The following RFX2 variants were observed in gnomAD, a reference collection of about 807,000 sequenced individuals.
RFX2 encodes regulatory factor X2.
In RFX2, 20 loss-of-function variants were observed where a neutral mutation model predicts 87.8. That is an observed-to-expected ratio of 0.23 (90% CI 0.16 to 0.33). The LOEUF (loss-of-function observed/expected upper bound fraction) is 0.33. Ranked by LOEUF, RFX2 falls within the 10% of genes least tolerant of loss-of-function variation. RFX2 has a pLI of 1.00. For synonymous variants in RFX2, 397 were observed against 431.3 expected, an observed-to-expected ratio of 0.92 and a Z score of 0.98; for missense variants, 767 against 1,012.3, an observed-to-expected ratio of 0.76 and a Z score of 3.29.
chr19:6,084,981 C>T (rs11666200), intron 1 of RFX2, among the ~76,000 whole-genome samples: 33,214 of 152,134 alleles, frequency 0.22, 4,047 homozygotes, highest in South Asian at 0.31. Flanking sequence ...AGCATGATGT[C>T]CTTAAGCATA....
chr19:6,076,073 C>T (rs1442878198), intron 1 of RFX2, among the ~76,000 whole-genome samples: 2 of 152,216 alleles, frequency 1.3e-5, no homozygotes, highest in Non-Finnish European at 2.9e-5. Context: ...GGCGGTGGCT[C>T]ATGCCTGTAA....
intron 5 of RFX2, among the ~76,000 whole-genome samples, chr19:6,031,618 T>C (rs1316282786): frequency 2.0e-5 from 3 of 151,632 alleles, no homozygotes; most frequent in South Asian, 2.1e-4. Context: ...TTAGTCGAGG[T>C]GGGGTTTCAC....
chr19:6,002,850 G>T lies in RFX2; in HGVS notation c.1521C>A (p.Phe507Leu). 6.2e-7 allele frequency: 1 copy of T among 1,610,294 alleles called. No individual in the cohort carries two copies. Among genetic ancestry groups the T allele is most frequent in the Non-Finnish European group, 8.5e-7 (1 of 1,179,174 alleles). The change falls in exon 14 of 18, where the codon TTC becomes TTA. Residue 507 changes from phenylalanine (F) to leucine (L), a missense_variant. Phe to Leu is a conservative substitution (Grantham distance 22). Coordinates refer to ENST00000303657, the MANE Select transcript of RFX2 (RefSeq NM_000635.4). This position sits in a 1 kb window ranked among gnomAD's most constrained non-coding sequence, Gnocchi z 6.7. ...ACGTGTAGCGCCGCAGCGTCTGGGC[G>T]AAGGCACTGACGACGCCCACCTGTA... ...IQTKVGVVSA[F>L]AQTLRRYTSL...
Position 6,066,335 on chromosome 19 carries a change from C to G in RFX2, c.-8-18831G>C, listed in dbSNP as rs532266460. Among the ~76,000 whole-genome samples, 113 of 152,282 alleles carry G rather than the reference C, an allele frequency of 7.4e-4. 1 individual carries two copies. The highest frequency in any genetic ancestry group is 1.4e-3 in the Non-Finnish European group (94 of 68,036). ...AATTTCCACCCTCAGCCAACCCTATCTGTGAATGTCTCTACATGTGAGCCA... is the reference window on the plus strand; with the variant it reads ...AATTTCCACCCTCAGCCAACCCTATGTGTGAATGTCTCTACATGTGAGCCA... On this transcript the variant is annotated intron_variant, in intron 1 of 17. Coordinates refer to ENST00000303657, the MANE Select transcript of RFX2 (RefSeq NM_000635.4).
At position 6,110,166 on chromosome 19, in the gene RFX2, C is replaced by A. The variant is rs1158973508; in HGVS notation, c.-9+227G>T. Among the ~76,000 whole-genome samples, 1 of 152,144 alleles carries A rather than the reference C, an allele frequency of 6.6e-6. No individual in the cohort carries two copies. Among genetic ancestry groups the A allele is most frequent in the Non-Finnish European group, 1.5e-5 (1 of 68,014 alleles). On this transcript the variant is annotated intron_variant, in intron 1 of 17. Coordinates refer to ENST00000303657, the MANE Select transcript of RFX2 (RefSeq NM_000635.4). This position sits in a 1 kb window ranked among gnomAD's most constrained non-coding sequence, Gnocchi z 4.3. ...TAAAAAGTGAGGCGACGGCACCGCA[C>A]CTCCCCCGCGTTCAGTCAATAAGGA...
At position 6,002,610 on chromosome 19, in the gene RFX2, G is replaced by T; in HGVS notation, c.1650+111C>A. The T allele has an allele frequency of 7.4e-7, 1 of 1,357,102 alleles. No individual in the cohort carries two copies. Among genetic ancestry groups the T allele is most frequent in the Non-Finnish European group, 1.0e-6 (1 of 974,748 alleles). The allele number at this position is 1,357,102 out of a possible 1,614,324, so 84.1% of individuals were successfully genotyped here. Reference sequence around the variant, plus strand: ...ACCCGTGTCATGCAACAGAACCGTGGCCAGGCTCGGGGCAGGGGCCAGGTT... The same window carrying T: ...ACCCGTGTCATGCAACAGAACCGTGTCCAGGCTCGGGGCAGGGGCCAGGTT... On this transcript the variant is annotated intron_variant, in intron 14 of 17. Transcript: ENST00000303657. The surrounding 1 kb of genome is among the most constrained non-coding windows in gnomAD (Gnocchi z 6.7).
intron 12 of RFX2, among the ~76,000 whole-genome samples, chr19:6,006,289 T>A (rs1434806262): frequency 6.6e-6 from 1 of 151,660 alleles, no homozygotes; most frequent in Non-Finnish European, 1.5e-5. Context: ...GCCTCCTGGG[T>A]CGCTGGACTG....
Position 6,017,461 on chromosome 19 carries a change from C to T in RFX2, c.598-1190G>A, listed in dbSNP as rs2086744213. 2.0e-5 allele frequency among the ~76,000 whole-genome samples: 3 copies of T among 152,220 alleles called. No individual in the cohort carries two copies. Among genetic ancestry groups the T allele is most frequent in the Admixed American group, 6.5e-5 (1 of 15,288 alleles). On this transcript the variant is annotated intron_variant, in intron 6 of 17. Coordinates refer to ENST00000303657, the MANE Select transcript of RFX2 (RefSeq NM_000635.4). This position sits in a 1 kb window ranked among gnomAD's most constrained non-coding sequence, Gnocchi z 4.1. ...TGGTTTCCACCTCTCCCTCTGCTATCGTCTGTCCCCTGATCCAGAGAGGTC... is the reference window on the plus strand; with the variant it reads ...TGGTTTCCACCTCTCCCTCTGCTATTGTCTGTCCCCTGATCCAGAGAGGTC...
At chr19:6,053,720 C>T (rs935766437) in intron 1 of RFX2, among the ~76,000 whole-genome samples, 11 of 151,920 alleles carry the variant, frequency 7.2e-5, no homozygotes, top group African/African-American at 2.7e-4. Flanking sequence ...TTTGGGAGGC[C>T]GAGGGCGGGT....
rs2087466439 is a variant in RFX2 at position 6,063,292 on chromosome 19, T to C, written c.-8-15788A>G. 6.6e-6 allele frequency among the ~76,000 whole-genome samples: 1 copy of C among 152,166 alleles called. No individual in the cohort carries two copies. Among genetic ancestry groups the C allele is most frequent in the African/African-American group, 2.4e-5 (1 of 41,446 alleles). On this transcript the variant is annotated intron_variant, in intron 1 of 17. Coordinates refer to ENST00000303657, the MANE Select transcript of RFX2 (RefSeq NM_000635.4). The surrounding 1 kb of genome is among the most constrained non-coding windows in gnomAD (Gnocchi z 4.0). ...GACCCCCAGGCCTGAGCGCCAGCCCTTCACTGATCAGCTAGCCTCTGCCTG... is the reference window on the plus strand; with the variant it reads ...GACCCCCAGGCCTGAGCGCCAGCCCCTCACTGATCAGCTAGCCTCTGCCTG...
At chr19:6,094,552 C>A (rs1302971441) in intron 1 of RFX2, among the ~76,000 whole-genome samples, 1 of 152,112 alleles carries the variant, frequency 6.6e-6, no homozygotes, top group Non-Finnish European at 1.5e-5. Flanking sequence ...TAGTGGTCAC[C>A]TTTTAAAAGG....
In RFX2 at chr19:6,050,180, G is replaced by T. The variant is rs1177816734; in HGVS notation, c.-8-2676C>A. On this transcript the variant is annotated intron_variant, in intron 1 of 17. Transcript: ENST00000303657. This position sits in a 1 kb window ranked among gnomAD's most constrained non-coding sequence, Gnocchi z 4.6. ...TAAGTGAAGATTTCAGCTGCTGCCT[G>T]TTGCAGGAGGGAGAGTTTGAATCTA... 6.6e-6 allele frequency among the ~76,000 whole-genome samples: 1 copy of T among 152,214 alleles called. No homozygotes were observed. The highest frequency in any genetic ancestry group is 2.4e-5 in the African/African-American group (1 of 41,442).
intron 3 of RFX2, 121 bp from the exon 4 acceptor site, chr19:6,042,244 C>T (rs2087120932): frequency 1.2e-6 from 1 of 864,150 alleles, no homozygotes; most frequent in East Asian, 2.6e-5. Context: ...TGACAATGTT[C>T]CCGCCCACAG....
rs1309470540 is a variant in RFX2, at chr19:6,017,348, C to A, written c.598-1077G>T. Among the ~76,000 whole-genome samples, 2 of 152,244 alleles carry A rather than the reference C, an allele frequency of 1.3e-5. No homozygotes were observed. The highest frequency in any genetic ancestry group is 1.5e-5 in the Non-Finnish European group (1 of 68,050). On this transcript the variant is annotated intron_variant, in intron 6 of 17. Coordinates refer to ENST00000303657, the MANE Select transcript of RFX2 (RefSeq NM_000635.4). This position sits in a 1 kb window ranked among gnomAD's most constrained non-coding sequence, Gnocchi z 4.1. ...GCGAGAACTGTCCACACGAAGAGCT[C>A]AGTCCCCACACTGGGCATGGACGCA...
chr19:5,995,013 G>T (rs2086386339), intron 17 of RFX2, 63 bp from the exon 18 acceptor site: 1 of 1,337,594 alleles, frequency 7.5e-7, no homozygotes, highest in Non-Finnish European at 1.1e-6. Context: ...AGAGAAGGAA[G>T]TGCACGTTCC....
In RFX2 at chr19:6,056,550, G is replaced by A. The variant is rs1457300414; in HGVS notation, c.-8-9046C>T. Among the ~76,000 whole-genome samples the A allele has an allele frequency of 6.6e-6, 1 of 152,172 alleles. No individual in the cohort carries two copies. The highest frequency in any genetic ancestry group is 2.4e-5 in the African/African-American group (1 of 41,442). On this transcript the variant is annotated intron_variant, in intron 1 of 17. Coordinates refer to ENST00000303657, the MANE Select transcript of RFX2 (RefSeq NM_000635.4). The surrounding 1 kb of genome is among the most constrained non-coding windows in gnomAD (Gnocchi z 4.6). ...GGGCAGAGGGCAGGGCCCCGAGGGCGTGGGTGTACTCAAGGTAAAGTCCAC... is the reference window on the plus strand; with the variant it reads ...GGGCAGAGGGCAGGGCCCCGAGGGCATGGGTGTACTCAAGGTAAAGTCCAC...
Position 6,010,485 on chromosome 19 carries a change from G to T in RFX2, c.900-234C>A, listed in dbSNP as rs147622855. 6.6e-6 allele frequency among the ~76,000 whole-genome samples: 1 copy of T among 152,178 alleles called. No homozygotes were observed. The highest frequency in any genetic ancestry group is 1.5e-5 in the Non-Finnish European group (1 of 68,036). Reference sequence around the variant, plus strand: ...CTCACCGTCGTCATCTCCAGAACTTGATCATCTTCCCACACTGAAGCTCTG... The same window carrying T: ...CTCACCGTCGTCATCTCCAGAACTTTATCATCTTCCCACACTGAAGCTCTG... On this transcript the variant is annotated intron_variant, in intron 8 of 17. Coordinates refer to ENST00000303657, the MANE Select transcript of RFX2 (RefSeq NM_000635.4). This position sits in a 1 kb window ranked among gnomAD's most constrained non-coding sequence, Gnocchi z 5.0.
intron 1 of RFX2, among the ~76,000 whole-genome samples, chr19:6,093,979 T>C (rs1270185769): frequency 6.6e-6 from 1 of 152,098 alleles, no homozygotes; most frequent in Non-Finnish European, 1.5e-5. Context: ...ACAGGGTGTC[T>C]TTTTGGGGTG....
chr19:6,074,810 G>T lies in RFX2; in HGVS notation c.-8-27306C>A, dbSNP rs1033542055. Among the ~76,000 whole-genome samples, 2 of 152,236 alleles carry T rather than the reference G, an allele frequency of 1.3e-5. No homozygotes were observed. Among genetic ancestry groups the T allele is most frequent in the African/African-American group, 2.4e-5 (1 of 41,464 alleles). On this transcript the variant is annotated intron_variant, in intron 1 of 17. Transcript: ENST00000303657. This position sits in a 1 kb window ranked among gnomAD's most constrained non-coding sequence, Gnocchi z 5.2. ...TCTGCCAGGGATGGTGCTCGGCAAG[G>T]CTGAGGCACACGGGACATGTGGGGT...
Sources: gnomAD v4.1 joint callset for allele counts (sites outside exome capture counted in the v4.1 genomes callset) on GRCh38, gnomAD v4.1.1 for gene constraint, Gnocchi (gnomAD v3.1) non-coding constraint, MANE v1.5 for transcripts, NCBI Gene and HGNC (gene_info 2026-07-23, HGNC 2026-07-21) for gene names.